Variants in ANTXRL observed in about 807,000 individuals in gnomAD.
The protein encoded by ANTXRL is anthrax toxin receptor-like.
ANTXRL carries 63 observed loss-of-function variants against 75.4 expected under a neutral mutation model. That is an observed-to-expected ratio of 0.84 (90% CI 0.68 to 1.03). The LOEUF (loss-of-function observed/expected upper bound fraction) is 1.03, where lower values mean the gene tolerates loss of function less well. Ranked by LOEUF, ANTXRL falls within the 50% of genes least tolerant of loss-of-function variation. ANTXRL has a pLI of 0.00. For synonymous variants in ANTXRL, 335 were observed against 291.3 expected, an observed-to-expected ratio of 1.15 and a Z score of -1.53; for missense variants, 797 against 789.4, an observed-to-expected ratio of 1.01 and a Z score of -0.12.
rs1554963971 is a variant in ANTXRL, at chr10:46,313,255, G to T, written c.1349G>T (p.Cys450Phe). 7 of 1,535,780 alleles carry T rather than the reference G, an allele frequency of 4.6e-6. No homozygotes were observed. Among genetic ancestry groups the T allele is most frequent in the Non-Finnish European group, 6.1e-6 (7 of 1,146,756 alleles). ...TTTCAGGGCAATCTGGATACCTTTT[G>T]TGACCTCTCTCACGCAAGCTGCCAC... ...RRIEGNLDTF[C>F]DLSHASCHQV... The change falls in exon 16 of 17, where the codon TGT becomes TTT. Residue 450 changes from cysteine (C) to phenylalanine (F), a missense_variant. Around this residue, in one of 3 missense-constraint regions of ANTXRL, gnomAD observed 479 missense variants for 422.0 expected, o/e 1.14. Transcript: ENST00000620264.
chr10:46,294,895 T>G lies in ANTXRL; in HGVS notation c.392+995T>G, dbSNP rs575098860. On this transcript the variant is annotated intron_variant, in intron 3 of 16. Transcript: ENST00000620264. ...ACTCTCTGCCCACAGTGGGAAGCCATCCTTCAGGGTCCATGCTCTGCTCAG... is the reference window on the plus strand; with the variant it reads ...ACTCTCTGCCCACAGTGGGAAGCCAGCCTTCAGGGTCCATGCTCTGCTCAG... Among the ~76,000 whole-genome samples the G allele has an allele frequency of 2.5e-3, 382 of 151,562 alleles. 3 individuals are homozygous for G. The highest frequency in any genetic ancestry group is 8.6e-3 in the African/African-American group (353 of 41,242).
rs1166070678 is a variant in ANTXRL at position 46,297,334 on chromosome 10, T to A, written c.585+6T>A. ...TTCAGGACACTCTCAGAGAAGTGAG[T>A]CCAGTTCATACTTACCAGCATTTTG... On this transcript the variant is annotated splice_donor_region_variant and intron_variant, in intron 6 of 16. Coordinates refer to ENST00000620264, the MANE Select transcript of ANTXRL (RefSeq NM_001278688.3). 5.2e-6 allele frequency: 8 copies of A among 1,536,222 alleles called. No individual in the cohort carries two copies. The highest frequency in any genetic ancestry group is 7.0e-6 in the Non-Finnish European group (8 of 1,146,794).
chr10:46,325,899 C>A (rs1054595767), intron 16 of ANTXRL, among the ~76,000 whole-genome samples: 1 of 152,028 alleles, frequency 6.6e-6, no homozygotes, highest in South Asian at 2.1e-4. Flanking sequence ...TTCACCAGGC[C>A]CCAATATTAT....
chr10:46,326,773 G>C (rs1225372408), intron 16 of ANTXRL, among the ~76,000 whole-genome samples: 1 of 152,120 alleles, frequency 6.6e-6, no homozygotes, highest in Non-Finnish European at 1.5e-5. Flanking sequence ...GTGGTGGGTG[G>C]AATACAGTGC....
At position 46,316,035 on chromosome 10, in the gene ANTXRL, C is replaced by T. The variant is rs539447749; in HGVS notation, c.1410+2719C>T. Among the ~76,000 whole-genome samples the T allele has an allele frequency of 7.2e-5, 11 of 152,244 alleles. No homozygotes were observed. The South Asian group carries it at 2.1e-3, about 29-fold the overall frequency. ...CCGAGTCTCTTGAGCCAAACTCTAC[C>T]TCCCATCCATGCTGAGGATTCTCCT... On this transcript the variant is annotated intron_variant, in intron 16 of 16. Coordinates refer to ENST00000620264, the MANE Select transcript of ANTXRL (RefSeq NM_001278688.3).
chr10:46,287,202 C>G lies in ANTXRL; in HGVS notation c.-61C>G. 6.6e-7 allele frequency: 1 copy of G among 1,513,798 alleles called. No individual in the cohort carries two copies. The highest frequency in any genetic ancestry group is 8.8e-7 in the Non-Finnish European group (1 of 1,137,582). 93.8% of individuals were successfully genotyped at this position (1,513,798 alleles called of 1,614,324 possible). Reference sequence around the variant, plus strand: ...CGGCAAAGAAGGGGCCTGTGCTCAGCCTCTCTGGGCCCTGGCACAGGCACC... The same window carrying G: ...CGGCAAAGAAGGGGCCTGTGCTCAGGCTCTCTGGGCCCTGGCACAGGCACC... On this transcript the variant is annotated 5_prime_UTR_variant, in exon 1 of 17. Coordinates refer to ENST00000620264, the MANE Select transcript of ANTXRL (RefSeq NM_001278688.3).
At chr10:46,322,322 G>T (rs1372132310) in intron 16 of ANTXRL, among the ~76,000 whole-genome samples, 1 of 152,024 alleles carries the variant, frequency 6.6e-6, no homozygotes, top group African/African-American at 2.4e-5. Flanking sequence ...GCCAGGTGTG[G>T]TGGCGTATGC....
chr10:46,311,631 G>T lies in ANTXRL; in HGVS notation c.1295G>T (p.Gly432Val), dbSNP rs1450196989. The T allele has an allele frequency of 1.5e-6, 2 of 1,295,666 alleles. No individual in the cohort carries two copies. Among genetic ancestry groups the T allele is most frequent in the East Asian group, 5.0e-5 (2 of 39,804 alleles). 80.3% of individuals were successfully genotyped at this position (1,295,666 alleles called of 1,614,324 possible). Residue 432 changes from glycine to valine, a missense_variant, in exon 15 of 17, where the codon GGA becomes GTA. Physicochemically the swap from Gly to Val is moderately radical, Grantham distance 109. Around this residue, in one of 3 missense-constraint regions of ANTXRL, gnomAD observed 479 missense variants for 422.0 expected, o/e 1.14. Coordinates refer to ENST00000620264, the MANE Select transcript of ANTXRL (RefSeq NM_001278688.3). ...TCPTVIICCC[G>V]CQGVGGMRRI... ...CCCACTGTGATTATTTGTTGCTGTG[G>T]ATGCCAAGGAGTGGGCGGGATGAGA...
chr10:46,308,499 C>A (rs782816120), intron 12 of ANTXRL: 2 of 449,658 alleles, frequency 4.4e-6, no homozygotes, highest in South Asian at 3.1e-5. Flanking sequence ...AAGGCCTGAG[C>A]AGCCTGCCTT....
chr10:46,292,205 C>G, intron 2 of ANTXRL, 76 bp downstream of exon 2: 13 of 1,398,730 alleles, frequency 9.3e-6, no homozygotes, highest in Non-Finnish European at 1.3e-5. Context: ...AGGGCACATC[C>G]CATCAGATGG....
At chr10:46,321,717 T>C (rs1346922290) in intron 16 of ANTXRL, among the ~76,000 whole-genome samples, 1 of 152,188 alleles carries the variant, frequency 6.6e-6, no homozygotes, top group Non-Finnish European at 1.5e-5. Context: ...CTACCAAGTT[T>C]AAGCATATCA....
At chr10:46,299,615 C>G (rs10906942) in intron 9 of ANTXRL, among the ~76,000 whole-genome samples, 67,092 of 151,870 alleles carry the variant, frequency 0.44, 14,451 homozygotes, top group Non-Finnish European at 0.5. Flanking sequence ...CTCCCTGTTC[C>G]TCACTGCAGG....
intron 9 of ANTXRL, among the ~76,000 whole-genome samples, chr10:46,300,104 T>TC (rs1447986047): frequency 2.6e-5 from 4 of 152,168 alleles, no homozygotes; most frequent in African/African-American, 7.2e-5. Context: ...TCTTCACTCC[T>TC]CCCTGGAGGC....
At chr10:46,311,120 C>T (rs1453743235) in intron 14 of ANTXRL, among the ~76,000 whole-genome samples, 3 of 152,068 alleles carry the variant, frequency 2.0e-5, no homozygotes, top group Admixed American at 1.3e-4. Context: ...GGCAGGAGGC[C>T]CTGGGCCTGG....
In ANTXRL at chr10:46,292,088, C is replaced by T; in HGVS notation, c.279C>T (p.Asp93=). ...KSGSVNNNWI[D]LYMWVEETVA... Reference sequence around the variant, plus strand: ...GCAGCGTGAACAATAACTGGATTGACCTTTATATGTGGGTGGAGGAAACAG... The same window carrying T: ...GCAGCGTGAACAATAACTGGATTGATCTTTATATGTGGGTGGAGGAAACAG... The change falls in exon 2 of 17, where the codon GAC becomes GAT. Residue 93 remains aspartate, a synonymous_variant. Coordinates refer to ENST00000620264, the MANE Select transcript of ANTXRL (RefSeq NM_001278688.3). 1 of 1,536,330 alleles carries T rather than the reference C, an allele frequency of 6.5e-7. No homozygotes were observed. The highest frequency in any genetic ancestry group is 8.7e-7 in the Non-Finnish European group (1 of 1,146,838).
rs111794159 is a variant in ANTXRL, at chr10:46,306,954, G to GC, written c.965+88dup. On this transcript the variant is annotated intron_variant, in intron 11 of 16. Coordinates refer to ENST00000620264, the MANE Select transcript of ANTXRL (RefSeq NM_001278688.3). The stretch of plus-strand genomic sequence containing the variant: ...ACCTTGAGGTGTACAAAATGTGGAT[G>GC]CCCCCCACCCCCTGCTGGGACAGCA... 3,142 of 1,160,500 alleles carry GC rather than the reference G, an allele frequency of 2.7e-3. 35 individuals carry two copies. In the African/African-American group the frequency reaches 0.028, roughly 10 times the overall value. The allele number at this position is 1,160,500 out of a possible 1,614,324, so 71.9% of individuals were successfully genotyped here. A position where few individuals can be genotyped will look rare whatever the true frequency, so the allele number is the denominator to read the frequency against.
intron 16 of ANTXRL, among the ~76,000 whole-genome samples, chr10:46,316,470 T>TACGGTCCTC (rs1276767079): frequency 8.5e-5 from 13 of 152,112 alleles, no homozygotes; most frequent in African/African-American, 3.1e-4. Context: ...TCCAGGTCCT[T>TACGGTCCTC]ACTGTGTGCA....
At chr10:46,311,257 T>C (rs1325054671) in intron 14 of ANTXRL, among the ~76,000 whole-genome samples, 1 of 152,026 alleles carries the variant, frequency 6.6e-6, no homozygotes, top group Non-Finnish European at 1.5e-5. Flanking sequence ...GACCATTGCA[T>C]AACCCCCAGG....
intron 16 of ANTXRL, among the ~76,000 whole-genome samples, chr10:46,324,601 A>G (rs994220378): frequency 6.6e-6 from 1 of 152,148 alleles, no homozygotes; most frequent in Non-Finnish European, 1.5e-5. Context: ...ATTAGGTTTT[A>G]GCGTATATTG....
Sources: allele counts gnomAD v4.1 joint callset (sites outside exome capture counted in the v4.1 genomes callset), GRCh38; gene constraint gnomAD v4.1.1; regional missense constraint gnomAD v4.1.1; transcripts MANE v1.5; gene names NCBI Gene and HGNC (gene_info 2026-07-23, HGNC 2026-07-21).